Variants in BLNK observed in about 807,000 individuals in gnomAD.
BLNK encodes the protein B cell linker, also known as B-cell linker protein.
In BLNK, 29 loss-of-function variants were observed where a neutral mutation model predicts 73.5. The ratio of observed to expected loss-of-function variants is 0.39; its 90% CI spans 0.29 to 0.54. BLNK has a LOEUF of 0.54. Ranked by LOEUF, BLNK falls within the 20% of genes least tolerant of loss-of-function variation. BLNK has a pLI of 0.61. For missense variants in BLNK, 460 were observed against 562.8 expected (o/e 0.82, Z 1.85); for synonymous variants, 176 against 200.8 (o/e 0.88, Z 1.04).
intron 6 of BLNK, among the ~76,000 whole-genome samples, chr10:96,221,070 T>A: frequency 6.6e-6 from 1 of 152,378 alleles, no homozygotes; most frequent in East Asian, 1.9e-4. Flanking sequence ...TGAATTCTTA[T>A]AAAAATACCC....
chr10:96,190,706 T>C lies in BLNK; in HGVS notation c.*1267A>G, dbSNP rs587722689. Among the ~76,000 whole-genome samples the C allele has an allele frequency of 3.9e-5, 6 of 152,370 alleles. No individual in the cohort carries two copies. The highest frequency in any genetic ancestry group is 1.4e-4 in the African/African-American group (6 of 41,592). ...CCAAGTGTGTTCCCCATTTAATTAT[T>C]AGACTTAATTAGCTGCTTTATCACT... On this transcript the variant is annotated 3_prime_UTR_variant, in exon 17 of 17. Transcript: ENST00000224337.
Position 96,207,073 on chromosome 10 carries a change from G to A in BLNK, c.775-20C>T, listed in dbSNP as rs1242322225. 2 of 1,609,618 alleles carry A rather than the reference G, an allele frequency of 1.2e-6. No homozygotes were observed. Among genetic ancestry groups the A allele is most frequent in the African/African-American group, 1.3e-5 (1 of 74,862 alleles). On this transcript the variant is annotated intron_variant, in intron 10 of 16. Transcript: ENST00000224337. ...TGGAGTCTATGTAAAAGAAAAAAAGGCAAGGTTATTCAATATAGCAGAATG... is the reference window on the plus strand; with the variant it reads ...TGGAGTCTATGTAAAAGAAAAAAAGACAAGGTTATTCAATATAGCAGAATG...
rs782409518 is a variant in BLNK, at chr10:96,271,484, G to A, written c.-86C>T. 3 of 1,413,078 alleles carry A rather than the reference G, an allele frequency of 2.1e-6. No individual in the cohort carries two copies. The highest frequency in any genetic ancestry group is 3.0e-6 in the Non-Finnish European group (3 of 997,904). 87.5% of individuals were successfully genotyped at this position (1,413,078 alleles called of 1,614,324 possible). ...GCCCTCCTAGGGAGCAGCATGGTAA[G>A]CCTCTGGTCTCAAGGGTTCCGGCCA... On this transcript the variant is annotated 5_prime_UTR_variant, in exon 1 of 17. Transcript: ENST00000224337.
chr10:96,255,642 CCTT>C (rs1843476747), intron 1 of BLNK, among the ~76,000 whole-genome samples: 1 of 152,188 alleles, frequency 6.6e-6, no homozygotes, highest in South Asian at 2.1e-4. Context: ...ATAAATCCTT[CCTT>C]CTTCATCCCC....
In BLNK at chr10:96,227,509, C is replaced by T. The variant is rs144903484; in HGVS notation, c.262G>A (p.Ala88Thr). 2,032 of 1,614,202 alleles carry T rather than the reference C, an allele frequency of 1.3e-3. 21 individuals are homozygous for T. In the African/African-American group the frequency reaches 0.022, roughly 18 times the overall value. Residue 88 changes from alanine to threonine, a missense_variant, in exon 5 of 17, where the codon GCC (alanine) becomes ACC (threonine). Ala to Thr is a moderately conservative substitution (Grantham distance 58). Coordinates refer to ENST00000224337, the MANE Select transcript of BLNK (RefSeq NM_013314.4). The part of the protein sequence containing the change: ...HSDSEMYVMP[A>T]EENADDSYEP... ...TAGCTGTCATCAGCGTTCTCCTCGG[C>T]GGGCATCACGTACATCTCTGAGTCC...
intron 10 of BLNK, 150 bp from the exon 11 acceptor site, chr10:96,207,203 G>T: frequency 2.7e-6 from 2 of 746,614 alleles, no homozygotes; most frequent in Non-Finnish European, 2.3e-6. Context: ...CAAACCCACA[G>T]TCCCTAGCCC....
Position 96,271,438 on chromosome 10 carries a change from TG to T in BLNK, c.-41del. On this transcript the variant is annotated 5_prime_UTR_variant, in exon 1 of 17. Transcript: ENST00000224337. ...GTAAGAGACACGAATAACTGTCCAG[TG>T]GTCACGTCAGCAGTTCCTGGCCCTC... 1.9e-6 allele frequency: 3 copies of T among 1,606,752 alleles called. No individual in the cohort carries two copies. The highest frequency in any genetic ancestry group is 1.7e-6 in the Non-Finnish European group (2 of 1,173,310).
In BLNK at chr10:96,197,054, A is replaced by T. The variant is rs1554894867; in HGVS notation, c.1105T>A (p.Phe369Ile). 2.5e-6 allele frequency: 4 copies of T among 1,612,490 alleles called. No homozygotes were observed. Among genetic ancestry groups the T allele is most frequent in the Non-Finnish European group, 3.4e-6 (4 of 1,179,182 alleles). The change falls in exon 16 of 17, where the codon TTT becomes ATT. Residue 369 changes from phenylalanine to isoleucine, a missense_variant. Phe to Ile is a conservative substitution (Grantham distance 21). Coordinates refer to ENST00000224337, the MANE Select transcript of BLNK (RefSeq NM_013314.4). The stretch of plus-strand genomic sequence containing the variant: ...TGGCCAGAGCTTTTCCGAATAAGAA[A>T]TGATCCATCCTGTTTAATTTTTTTT... ...ALHRSNKDGS[F>I]LIRKSSGHDS...
chr10:96,203,661 A>G (rs1196478918), intron 13 of BLNK: 1 of 156,212 alleles, frequency 6.4e-6, no homozygotes, highest in Non-Finnish European at 1.4e-5. Flanking sequence ...GTGATCTTTA[A>G]AATATATTTT....
intron 11 of BLNK, among the ~76,000 whole-genome samples, chr10:96,205,935 A>T (rs1461189530): frequency 2.6e-5 from 4 of 152,046 alleles, no homozygotes; most frequent in Non-Finnish European, 2.9e-5. Flanking sequence ...AGTCACTATC[A>T]CTCCACAACC....
At chr10:96,246,818 C>T (rs570658642) in intron 2 of BLNK, among the ~76,000 whole-genome samples, 166 bp downstream of exon 2, 2 of 152,290 alleles carry the variant, frequency 1.3e-5, no homozygotes, top group Admixed American at 1.3e-4. Context: ...TGTCCTGTTC[C>T]AGAATGTAGA....
In BLNK at chr10:96,254,651, C is replaced by T. The variant is rs187906758; in HGVS notation, c.48-7602G>A. On this transcript the variant is annotated intron_variant, in intron 1 of 16. Coordinates refer to ENST00000224337, the MANE Select transcript of BLNK (RefSeq NM_013314.4). ...TCAGCCTCCCGAGTAGCTGGGATTA[C>T]AGGCGCCTGCCACCACGCCTGGCTA... Among the ~76,000 whole-genome samples the T allele has an allele frequency of 7.1e-3, 1,080 of 152,276 alleles. 14 individuals carry two copies. The highest frequency in any genetic ancestry group is 0.025 in the African/African-American group (1,025 of 41,556).
chr10:96,215,357 A>G lies in BLNK; in HGVS notation c.640T>C (p.Ser214Pro). ...CCTGGAGGAGAGGCGGGCGTTGAGG[A>G]ATTTGGCTTGGTTGATCTATTCACC... ...PMVNRSTKPN[S>P]STPASPPGTA... Residue 214 changes from serine (S) to proline (P), a missense_variant, in exon 8 of 17, where the codon TCC (serine) becomes CCC (proline). Around this residue, in one of 3 missense-constraint regions of BLNK, gnomAD observed 233 missense variants for 232.1 expected, o/e 1.00. Coordinates refer to ENST00000224337, the MANE Select transcript of BLNK (RefSeq NM_013314.4). The G allele has an allele frequency of 6.2e-7, 1 of 1,613,990 alleles. No homozygotes were observed.
chr10:96,221,070 T>C (rs1419602088), intron 6 of BLNK, among the ~76,000 whole-genome samples: 4 of 152,260 alleles, frequency 2.6e-5, no homozygotes, highest in Non-Finnish European at 5.9e-5. Flanking sequence ...TGAATTCTTA[T>C]AAAAATACCC....
chr10:96,232,072 A>G (rs1554904105), intron 3 of BLNK, among the ~76,000 whole-genome samples: 1 of 152,248 alleles, frequency 6.6e-6, no homozygotes, highest in East Asian at 1.9e-4. Context: ...AGTATGAGAA[A>G]CTTAGCATCT....
chr10:96,225,331 C>T (rs1842205144), intron 5 of BLNK, among the ~76,000 whole-genome samples: 1 of 152,212 alleles, frequency 6.6e-6, no homozygotes, highest in Non-Finnish European at 1.5e-5. Flanking sequence ...AGCCCCACCT[C>T]GCCCGGTGCA....
chr10:96,241,641 C>T (rs1221900463), intron 3 of BLNK, among the ~76,000 whole-genome samples: 5 of 152,186 alleles, frequency 3.3e-5, no homozygotes, highest in African/African-American at 1.2e-4. Flanking sequence ...CCCACACTCC[C>T]AGCCACAGAT....
At chr10:96,195,097 GCTGT>G (rs2133923010) in intron 16 of BLNK, among the ~76,000 whole-genome samples, 1 of 152,258 alleles carries the variant, frequency 6.6e-6, no homozygotes, top group African/African-American at 2.4e-5. Context: ...ACCACAATGA[GCTGT>G]CTATCACCTT....
At chr10:96,197,818 A>G (rs2083510581) in intron 15 of BLNK, among the ~76,000 whole-genome samples, 1 of 151,850 alleles carries the variant, frequency 6.6e-6, no homozygotes, top group East Asian at 1.9e-4. Context: ...CGGGAGGCTG[A>G]GGCAGAAGAA....
Sources: allele counts gnomAD v4.1 joint callset (sites outside exome capture counted in the v4.1 genomes callset), GRCh38; gene constraint gnomAD v4.1.1; regional missense constraint gnomAD v4.1.1; transcripts MANE v1.5; gene names NCBI Gene and HGNC (gene_info 2026-07-23, HGNC 2026-07-21).